Variants in CTDSP2 observed in about 807,000 individuals in gnomAD.
The protein encoded by CTDSP2 is CTD small phosphatase 2.
Under a neutral mutation model 31.6 loss-of-function variants are expected in CTDSP2, and 9 were observed. The ratio of observed to expected loss-of-function variants is 0.28; its 90% confidence interval spans 0.17 to 0.50. The LOEUF is 0.50. Among genes scored for constraint, CTDSP2 ranks in the 20% least tolerant of loss-of-function variants. CTDSP2 has a pLI of 0.98. For synonymous variants in CTDSP2, 134 were observed against 134.5 expected, an observed-to-expected ratio of 1.00 and a Z score of 0.03; for missense variants, 267 against 348.5, an observed-to-expected ratio of 0.77 and a Z score of 1.86.
chr12:57,833,208 G>A (rs1423575682), intron 1 of CTDSP2, among the ~76,000 whole-genome samples: 4 of 152,226 alleles, frequency 2.6e-5, no homozygotes, highest in South Asian at 2.1e-4. Flanking sequence ...AGCTGGCTGG[G>A]GGCATGGAAA....
intron 2 of CTDSP2, 39 bp from the exon 3 acceptor site, chr12:57,827,629 C>A: frequency 6.3e-7 from 1 of 1,594,236 alleles, no homozygotes; most frequent in Non-Finnish European, 8.6e-7. Context: ...CATCTCACTG[C>A]CTTTCCCACC....
At chr12:57,836,461 A>G (rs1956248087) in intron 1 of CTDSP2, among the ~76,000 whole-genome samples, 1 of 152,092 alleles carries the variant, frequency 6.6e-6, no homozygotes, top group Non-Finnish European at 1.5e-5. Flanking sequence ...GGAGTTCAAG[A>G]CCAGCCTGAG....
chr12:57,825,045 G>C (rs1433517791), intron 5 of CTDSP2, among the ~76,000 whole-genome samples: 1 of 152,018 alleles, frequency 6.6e-6, no homozygotes, highest in African/African-American at 2.4e-5. Context: ...TTAGAGATGG[G>C]GTCTTGCTAT....
chr12:57,846,126 G>A (rs1177429506), intron 1 of CTDSP2, among the ~76,000 whole-genome samples: 2 of 152,210 alleles, frequency 1.3e-5, no homozygotes, highest in Non-Finnish European at 2.9e-5. Context: ...CGAGGGGGAG[G>A]GGTTGCGGGA....
At chr12:57,844,243 GC>G (rs1343436849) in intron 1 of CTDSP2, among the ~76,000 whole-genome samples, 1 of 152,114 alleles carries the variant, frequency 6.6e-6, no homozygotes, top group Non-Finnish European at 1.5e-5. Context: ...GTGGCTGCTG[GC>G]TTAAACCACA....
intron 2 of CTDSP2, among the ~76,000 whole-genome samples, 200 bp from the exon 3 acceptor site, chr12:57,827,790 C>A (rs1455935884): frequency 2.0e-5 from 3 of 152,146 alleles, no homozygotes; most frequent in African/African-American, 7.2e-5. Flanking sequence ...CCACATTAGG[C>A]CTGATGAAGG....
At position 57,830,443 on chromosome 12, in the gene CTDSP2, C is replaced by A. The variant is rs930990428; in HGVS notation, c.65-847G>T. Reference sequence around the variant, plus strand: ...AAACCAACAACAACAACAACAACAACAAAAAACCACTTCAGGCTAGAAACA... The same window carrying A: ...AAACCAACAACAACAACAACAACAAAAAAAAACCACTTCAGGCTAGAAACA... On this transcript the variant is annotated intron_variant, in intron 1 of 7. Coordinates refer to ENST00000398073, the MANE Select transcript of CTDSP2 (RefSeq NM_005730.4). Among the ~76,000 whole-genome samples, 11 of 152,064 alleles carry A rather than the reference C, an allele frequency of 7.2e-5. No homozygotes were observed. In the South Asian group the frequency reaches 1.0e-3, roughly 14 times the overall value.
At chr12:57,837,730 AAGC>A (rs1286572885) in intron 1 of CTDSP2, among the ~76,000 whole-genome samples, 2 of 152,126 alleles carry the variant, frequency 1.3e-5, no homozygotes, top group African/African-American at 4.8e-5. Flanking sequence ...AAAAATTAAA[AAGC>A]AGTTTTAGCC....
intron 3 of CTDSP2, 91 bp from the exon 4 acceptor site, chr12:57,827,188 G>A: frequency 2.1e-6 from 2 of 930,586 alleles, no homozygotes; most frequent in Non-Finnish European, 1.7e-6. Flanking sequence ...GGTTGTTTGT[G>A]GAGACACAAT....
In CTDSP2 at chr12:57,822,864, C is replaced by G. The variant is rs1956155767; in HGVS notation, c.*738G>C. 1 of 152,698 alleles carries G rather than the reference C, an allele frequency of 6.5e-6. No individual in the cohort carries two copies. Among genetic ancestry groups the G allele is most frequent in the Non-Finnish European group, 1.5e-5 (1 of 68,112 alleles). The allele number at this position is 152,698 out of a possible 1,614,324, so 9.5% of individuals were successfully genotyped here. ...CGGAAATCAGTTATCTGTCCTCTTCCCGGGCAGGGAGAAAACCTCCTTCCC... is the reference window on the plus strand; with the variant it reads ...CGGAAATCAGTTATCTGTCCTCTTCGCGGGCAGGGAGAAAACCTCCTTCCC... On this transcript the variant is annotated 3_prime_UTR_variant, in exon 8 of 8. Coordinates refer to ENST00000398073, the MANE Select transcript of CTDSP2 (RefSeq NM_005730.4).
chr12:57,840,281 G>C (rs990956799), intron 1 of CTDSP2, among the ~76,000 whole-genome samples: 5 of 152,250 alleles, frequency 3.3e-5, no homozygotes, highest in Admixed American at 3.3e-4. Flanking sequence ...CCCTGGCTGA[G>C]AGCCAGTATC....
intron 1 of CTDSP2, among the ~76,000 whole-genome samples, chr12:57,845,094 C>T (rs1315294834): frequency 1.3e-5 from 2 of 152,172 alleles, no homozygotes; most frequent in African/African-American, 2.4e-5. Context: ...CCGAAGCTGG[C>T]CGCCCACCAG....
At position 57,823,734 on chromosome 12, in the gene CTDSP2, G is replaced by T. The variant is rs776912265; in HGVS notation, c.691-7C>A. On this transcript the variant is annotated splice_region_variant and splice_polypyrimidine_tract_variant and intron_variant, in intron 7 of 7. Coordinates refer to ENST00000398073, the MANE Select transcript of CTDSP2 (RefSeq NM_005730.4). ...ACCAGGACTGCACAGGCACCTGGTGGGGGGAAGATGTGGTGTCAATCTCCC... is the reference window on the plus strand; with the variant it reads ...ACCAGGACTGCACAGGCACCTGGTGTGGGGAAGATGTGGTGTCAATCTCCC... 3.1e-6 allele frequency: 5 copies of T among 1,613,758 alleles called. No individual in the cohort carries two copies. The highest frequency in any genetic ancestry group is 4.2e-6 in the Non-Finnish European group (5 of 1,179,994).
rs777480883 is a variant in CTDSP2, at chr12:57,823,585, C to G, written c.*17G>C. ...AAGTCCCCTACTGGGATGGCCGTCG[C>G]TTGGAAGCAGGGCAGGCTAAGGGGC... On this transcript the variant is annotated 3_prime_UTR_variant, in exon 8 of 8. Transcript: ENST00000398073. The G allele has an allele frequency of 3.7e-6, 6 of 1,613,180 alleles. No homozygotes were observed. In the African/African-American group the frequency reaches 6.7e-5, roughly 18 times the overall value.
At chr12:57,844,118 T>A (rs1037241641) in intron 1 of CTDSP2, among the ~76,000 whole-genome samples, 3 of 151,864 alleles carry the variant, frequency 2.0e-5, no homozygotes, top group Non-Finnish European at 4.4e-5. Context: ...TTGCTTGAAT[T>A]TAGGAGGCGG....
At chr12:57,827,188 G>T in intron 3 of CTDSP2, 91 bp from the exon 4 acceptor site, 1 of 930,586 alleles carries the variant, frequency 1.1e-6, no homozygotes, top group Non-Finnish European at 1.7e-6. Flanking sequence ...GGTTGTTTGT[G>T]GAGACACAAT....
intron 1 of CTDSP2, among the ~76,000 whole-genome samples, chr12:57,843,535 GA>G (rs937091480): frequency 9.8e-5 from 14 of 143,368 alleles, no homozygotes; most frequent in East Asian, 2.0e-4. Flanking sequence ...GCTAAAAAAA[GA>G]AAAAAAAAAC....
chr12:57,840,629 T>C (rs1025676786), intron 1 of CTDSP2, among the ~76,000 whole-genome samples: 5 of 152,018 alleles, frequency 3.3e-5, no homozygotes, highest in Non-Finnish European at 7.4e-5. Context: ...TCACTGGGAT[T>C]GGGGCCATAT....
At chr12:57,841,424 G>A (rs1956281911) in intron 1 of CTDSP2, among the ~76,000 whole-genome samples, 1 of 152,204 alleles carries the variant, frequency 6.6e-6, no homozygotes, top group Non-Finnish European at 1.5e-5. Flanking sequence ...GTGAGAGAAT[G>A]TAGCATACAG....
Sources: gnomAD v4.1 joint callset for allele counts (sites outside exome capture counted in the v4.1 genomes callset) on GRCh38, gnomAD v4.1.1 for gene constraint, MANE v1.5 for transcripts, NCBI Gene and HGNC (gene_info 2026-07-23, HGNC 2026-07-21) for gene names.